Variants in CD80 observed in about 807,000 individuals in gnomAD.
CD80 encodes CD80 molecule, also known as T-lymphocyte activation antigen CD80.
In CD80, 13 loss-of-function variants were observed where a neutral mutation model predicts 27.1. The observed-to-expected ratio is 0.48, with a 90% CI of 0.31 to 0.76. The LOEUF (loss-of-function observed/expected upper bound fraction) is 0.76, where lower values mean the gene tolerates loss of function less well. Ranked by LOEUF, CD80 falls within the 30% of genes least tolerant of loss-of-function variation. CD80 has a pLI of 0.04. For missense variants in CD80, 277 were observed against 347.9 expected (o/e 0.80, Z 1.62); for synonymous variants, 125 against 125.5 (o/e 1.00, Z 0.03).
chr3:119,546,340 T>C (rs6807043), intron 2 of CD80, among the ~76,000 whole-genome samples: 23,512 of 152,146 alleles, frequency 0.15, 1,965 homozygotes, highest in East Asian at 0.33. Context: ...TACTATTTCC[T>C]TTTTTTGCTT....
At chr3:119,527,641 A>G in intron 6 of CD80, 92 bp downstream of exon 6, 1 of 668,920 alleles carries the variant, frequency 1.5e-6, no homozygotes, top group Non-Finnish European at 2.6e-6. Flanking sequence ...TAAGAAGGTG[A>G]GGTAGTGGGT....
chr3:119,556,956 A>G (rs1362688848), intron 2 of CD80, among the ~76,000 whole-genome samples: 8 of 152,234 alleles, frequency 5.3e-5, no homozygotes. Flanking sequence ...AAAAGCCTCT[A>G]GAAGTCAAAT....
intron 2 of CD80, among the ~76,000 whole-genome samples, chr3:119,556,264 C>T (rs1192815734): frequency 6.6e-6 from 1 of 152,132 alleles, no homozygotes; most frequent in African/African-American, 2.4e-5. Context: ...ACCTCTGACC[C>T]TAATTTTCCT....
intron 3 of CD80, among the ~76,000 whole-genome samples, chr3:119,540,828 C>G (rs1172046695): frequency 6.6e-6 from 1 of 152,052 alleles, no homozygotes; most frequent in African/African-American, 2.4e-5. Context: ...GCAGGAGGAT[C>G]GCTTGAGGTC....
intron 4 of CD80, among the ~76,000 whole-genome samples, chr3:119,533,410 CT>C (rs11393086): frequency 1.2e-3 from 175 of 146,590 alleles, no homozygotes; most frequent in African/African-American, 4.2e-3. Flanking sequence ...TACATTTGGG[CT>C]TTTTTTTTTT....
At chr3:119,555,259 T>C (rs2082257380) in intron 2 of CD80, among the ~76,000 whole-genome samples, 1 of 152,190 alleles carries the variant, frequency 6.6e-6, no homozygotes, top group Admixed American at 6.5e-5. Flanking sequence ...TAACACATCA[T>C]TACCACCCCA....
Position 119,537,371 on chromosome 3 carries a change from T to C in CD80, c.466A>G (p.Asn156Asp). 6.2e-7 allele frequency: 1 copy of C among 1,612,936 alleles called. No homozygotes were observed. Among genetic ancestry groups the C allele is most frequent in the Non-Finnish European group, 8.5e-7 (1 of 1,178,920 alleles). ...GTTGAGCAAATTATCCTTCTAATATTAGAAGTTGGAATTTCAAAGTCAGAT... is the reference window on the plus strand; with the variant it reads ...GTTGAGCAAATTATCCTTCTAATATCAGAAGTTGGAATTTCAAAGTCAGAT... ...SISDFEIPTS[N>D]IRRIICSTSG... The change falls in exon 4 of 7, where the codon AAT becomes GAT. Residue 156 changes from asparagine to aspartate, a missense_variant. Physicochemically the swap from Asn to Asp is conservative, Grantham distance 23. Transcript: ENST00000264246.
At chr3:119,550,218 C>G (rs996938971) in intron 2 of CD80, among the ~76,000 whole-genome samples, 1 of 152,210 alleles carries the variant, frequency 6.6e-6, no homozygotes, top group African/African-American at 2.4e-5. Context: ...CAGCAACTCA[C>G]TTGTCTGGGC....
intron 2 of CD80, among the ~76,000 whole-genome samples, chr3:119,549,200 T>C (rs1362945563): frequency 6.9e-6 from 1 of 145,936 alleles, no homozygotes; most frequent in Non-Finnish European, 1.5e-5. Context: ...CTTTATCTCT[T>C]TGGCTATCTG....
In CD80 at chr3:119,544,657, A is replaced by G. The variant is rs751567741; in HGVS notation, c.311T>C (p.Leu104Pro). ...GCCCTCGTCAGATGGGCGCAGAGCC[A>G]GGATCACAATGGAGAGGTTATTAGT... Reference protein sequence around the residue: ...DITNNLSIVILALRPSDEGTY... With the variant: ...DITNNLSIVIPALRPSDEGTY... Residue 104 changes from leucine to proline, a missense_variant, in exon 3 of 7, where the codon CTG (leucine) becomes CCG (proline). Transcript: ENST00000264246. The G allele has an allele frequency of 6.2e-7, 1 of 1,614,216 alleles. No individual in the cohort carries two copies. The highest frequency in any genetic ancestry group is 8.5e-7 in the Non-Finnish European group (1 of 1,180,014).
chr3:119,552,077 G>T (rs188771107), intron 2 of CD80, among the ~76,000 whole-genome samples: 28 of 152,350 alleles, frequency 1.8e-4, no homozygotes, highest in African/African-American at 6.7e-4. Context: ...CTCAGCCTCT[G>T]CCTCTCCTGA....
chr3:119,525,772 A>G (rs1474369455), intron 6 of CD80, 23 bp from the exon 7 acceptor site: 2 of 151,974 alleles, frequency 1.3e-5, no homozygotes, highest in Non-Finnish European at 2.9e-5. Context: ...AGAAATGATT[A>G]CATCAAACCC....
At chr3:119,529,226 A>T (rs1039433116) in intron 5 of CD80, among the ~76,000 whole-genome samples, 6 of 152,142 alleles carry the variant, frequency 3.9e-5, no homozygotes, top group African/African-American at 1.4e-4. Context: ...CTGGGATTAC[A>T]GGCATGAGCC....
intron 3 of CD80, among the ~76,000 whole-genome samples, chr3:119,541,781 T>G (rs1054005977): frequency 6.6e-6 from 1 of 152,246 alleles, no homozygotes; most frequent in Admixed American, 6.5e-5. Context: ...GTGACCTTTT[T>G]GTCTTCCCTT....
intron 2 of CD80, among the ~76,000 whole-genome samples, chr3:119,550,026 G>C (rs948065233): frequency 6.6e-6 from 1 of 152,158 alleles, no homozygotes; most frequent in African/African-American, 2.4e-5. Context: ...TACCCCTTGG[G>C]ATCACTGGAA....
intron 4 of CD80, among the ~76,000 whole-genome samples, chr3:119,531,818 C>A (rs1233392011): frequency 2.0e-5 from 3 of 152,138 alleles, no homozygotes; most frequent in Non-Finnish European, 4.4e-5. Flanking sequence ...GGCGTGCCAC[C>A]ACACCCAGCT....
intron 5 of CD80, among the ~76,000 whole-genome samples, chr3:119,529,051 G>C (rs62264487): frequency 0.15 from 23,364 of 151,704 alleles, 2,326 homozygotes; most frequent in East Asian, 0.28. Context: ...CTGGGTTCAA[G>C]CAATTCTCCT....
At position 119,545,735 on chromosome 3, in the gene CD80, CA is replaced by C. The variant is rs148423927; in HGVS notation, c.101-869del. 6.0e-3 allele frequency among the ~76,000 whole-genome samples: 900 copies of C among 150,954 alleles called. 8 individuals are homozygous for C. The highest frequency in any genetic ancestry group is 0.021 in the African/African-American group (848 of 40,444). Reference sequence around the variant, plus strand: ...TAAGGATAATGAATAATATTACACACACACCCCCCCCCACATTTTGTTTGCC... The same window carrying C: ...TAAGGATAATGAATAATATTACACACCACCCCCCCCCACATTTTGTTTGCC... On this transcript the variant is annotated intron_variant, in intron 2 of 6. Transcript: ENST00000264246.
At chr3:119,533,710 C>T (rs1577107783) in intron 4 of CD80, among the ~76,000 whole-genome samples, 1 of 152,276 alleles carries the variant, frequency 6.6e-6, no homozygotes, top group East Asian at 1.9e-4. Flanking sequence ...TGTGAGGCCT[C>T]CCCAGCCACG....
Sources: allele counts gnomAD v4.1 joint callset (sites outside exome capture counted in the v4.1 genomes callset), GRCh38; gene constraint gnomAD v4.1.1; transcripts MANE v1.5; gene names NCBI Gene and HGNC (gene_info 2026-07-23, HGNC 2026-07-21).